Variants in TAB1 observed in about 807,000 individuals in gnomAD.
TAB1 encodes TGF-beta-activated kinase 1 and MAP3K7-binding protein 1.
Under a neutral mutation model 54.5 loss-of-function variants are expected in TAB1, and 30 were observed. The ratio of observed to expected loss-of-function variants is 0.55; its 90% CI spans 0.41 to 0.75. The LOEUF (loss-of-function observed/expected upper bound fraction) is 0.75. TAB1 is among the 30% of genes least tolerant of loss of function. The pLI is 0.00. For missense variants in TAB1, 609 were observed against 683.2 expected, an observed-to-expected ratio of 0.89 and a Z score of 1.21; for synonymous variants, 289 against 286.9, an observed-to-expected ratio of 1.01 and a Z score of -0.07.
In TAB1 at chr22:39,419,622, C is replaced by A. The variant is rs1926984607; in HGVS notation, c.768C>A (p.Asp256Glu). The A allele has an allele frequency of 6.2e-7, 1 of 1,608,104 alleles. No individual in the cohort carries two copies. Among genetic ancestry groups the A allele is most frequent in the South Asian group, 1.1e-5 (1 of 90,652 alleles). Residue 256 changes from aspartate to glutamate, a missense_variant, in exon 7 of 11, where the codon GAC becomes GAA. Physicochemically the swap from Asp to Glu is conservative, Grantham distance 45. Coordinates refer to ENST00000216160, the MANE Select transcript of TAB1 (RefSeq NM_006116.3). ...TTAAATATGGCTACACGGACATTGA[C>A]CTTCTCAGGTAGGTGCCAGCCCAGC... ...YKVKYGYTDI[D>E]LLSAAKSKPI...
chr22:39,424,095 C>T (rs1259057681), intron 8 of TAB1, among the ~76,000 whole-genome samples: 2 of 152,212 alleles, frequency 1.3e-5, no homozygotes, highest in Non-Finnish European at 1.5e-5. Context: ...CGAGTGAGAA[C>T]ATAGTTTGTG....
chr22:39,413,786 T>A (rs1455917590), intron 1 of TAB1, among the ~76,000 whole-genome samples: 1 of 152,192 alleles, frequency 6.6e-6, no homozygotes, highest in African/African-American at 2.4e-5. Flanking sequence ...CAGTTTGCTG[T>A]AGTTCTGCAT....
At chr22:39,404,611 C>T (rs948905969) in intron 1 of TAB1, among the ~76,000 whole-genome samples, 4 of 151,578 alleles carry the variant, frequency 2.6e-5, no homozygotes, top group East Asian at 3.9e-4. Flanking sequence ...TTTTAAACTT[C>T]GACATGTCCT....
At chr22:39,433,346 G>T (rs528795246), downstream of TAB1, 150 of 789,196 alleles carry the variant, frequency 1.9e-4, no homozygotes, top group South Asian at 8.1e-3. Context: ...AGCTACTCTG[G>T]AGGCTGAGGC....
At chr22:39,429,331 G>C (rs1163452465) in intron 10 of TAB1, 9 of 985,420 alleles carry the variant, frequency 9.1e-6, no homozygotes, top group Middle Eastern at 5.2e-4. Flanking sequence ...GGGTTGGGAC[G>C]GGTTTAGAGA....
At chr22:39,432,794 G>A, downstream of TAB1, 1 of 985,642 alleles carries the variant, frequency 1.0e-6, no homozygotes, top group Non-Finnish European at 1.2e-6. Flanking sequence ...CTGCACTGTT[G>A]ACTTTATGTC....
Position 39,431,528 on chromosome 22 carries a change from CT to C in TAB1, c.*1307del. 2 of 985,588 alleles carry C rather than the reference CT, an allele frequency of 2.0e-6. No homozygotes were observed. Among genetic ancestry groups the C allele is most frequent in the South Asian group, 9.4e-5 (2 of 21,288 alleles). The allele number at this position is 985,588 out of a possible 1,614,324, so 61.1% of individuals were successfully genotyped here. A position where few individuals can be genotyped will look rare whatever the true frequency, so the allele number is the denominator to read the frequency against. On this transcript the variant is annotated 3_prime_UTR_variant, in exon 11 of 11. Coordinates refer to ENST00000216160, the MANE Select transcript of TAB1 (RefSeq NM_006116.3). ...GGGACTAGCCGCTGTCGCACAGCCT[CT>C]GGGGTGCTTGGTCTCTGCGAAGTCA...
chr22:39,417,480 C>T lies in TAB1; in HGVS notation c.412-231C>T, dbSNP rs191856417. On this transcript the variant is annotated intron_variant, in intron 4 of 10. Coordinates refer to ENST00000216160, the MANE Select transcript of TAB1 (RefSeq NM_006116.3). Reference sequence around the variant, plus strand: ...CTAAAAATACAAAAAATTAGCTGGGCGTGGTGGTGGGCGCCTTGTAGTCCC... The same window carrying T: ...CTAAAAATACAAAAAATTAGCTGGGTGTGGTGGTGGGCGCCTTGTAGTCCC... 2.4e-4 allele frequency among the ~76,000 whole-genome samples: 37 copies of T among 152,134 alleles called. 1 individual carries two copies. The East Asian group carries it at 4.1e-3, about 17-fold the overall frequency.
intron 6 of TAB1, 107 bp downstream of exon 6, chr22:39,418,952 C>T (rs1044991526): frequency 1.0e-5 from 9 of 880,522 alleles, no homozygotes; most frequent in Non-Finnish European, 1.7e-5. Flanking sequence ...TGATCTTGGG[C>T]TCCCCAGCCA....
At position 39,417,840 on chromosome 22, in the gene TAB1, G is replaced by A. The variant is rs373658836; in HGVS notation, c.541G>A (p.Ala181Thr). Residue 181 changes from alanine (A) to threonine (T), a missense_variant, in exon 5 of 11, where the codon GCC becomes ACC. Transcript: ENST00000216160. ...AVLLNNKLYV[A>T]NVGTNRALLC... Reference sequence around the variant, plus strand: ...CCTTCTCAACAACAAGCTCTACGTCGCCAATGTCGGTGAGCCCCCTCCTGT... The same window carrying A: ...CCTTCTCAACAACAAGCTCTACGTCACCAATGTCGGTGAGCCCCCTCCTGT... 4.5e-5 allele frequency: 72 copies of A among 1,606,550 alleles called. No homozygotes were observed. Among genetic ancestry groups the A allele is most frequent in the Non-Finnish European group, 5.3e-5 (62 of 1,176,374 alleles).
chr22:39,416,610 C>T (rs1926843573), intron 3 of TAB1, 181 bp from the exon 4 acceptor site: 2 of 635,836 alleles, frequency 3.1e-6, no homozygotes, highest in Non-Finnish European at 5.6e-6. Flanking sequence ...CATTGATCTG[C>T]AGGAAGCAGC....
intron 1 of TAB1, among the ~76,000 whole-genome samples, chr22:39,409,494 A>G (rs1926517527): frequency 6.6e-6 from 1 of 152,250 alleles, no homozygotes; most frequent in African/African-American, 2.4e-5. Flanking sequence ...CATATTTGCA[A>G]ACACGGCATG....
intron 8 of TAB1, among the ~76,000 whole-genome samples, chr22:39,426,296 A>G (rs1398491564): frequency 6.6e-6 from 1 of 152,234 alleles, no homozygotes; most frequent in Non-Finnish European, 1.5e-5. Context: ...GTTCCTGACA[A>G]AATCCTAGCA....
At chr22:39,407,137 T>G (rs1483106661) in intron 1 of TAB1, among the ~76,000 whole-genome samples, 2 of 152,216 alleles carry the variant, frequency 1.3e-5, no homozygotes, top group Non-Finnish European at 2.9e-5. Flanking sequence ...GTAGTTTGGC[T>G]GGGGGAGACA....
chr22:39,429,346 G>A (rs1454713611), intron 10 of TAB1: 9 of 985,354 alleles, frequency 9.1e-6, no homozygotes, highest in Non-Finnish European at 1.1e-5. Flanking sequence ...TAGAGAGATG[G>A]TAATGGACAG....
intron 4 of TAB1, among the ~76,000 whole-genome samples, 161 bp downstream of exon 4, chr22:39,417,038 C>T (rs1375589402): frequency 3.3e-5 from 5 of 152,220 alleles, no homozygotes. Context: ...TGAGGGACCT[C>T]GCTGCTCTGC....
downstream of TAB1, among the ~76,000 whole-genome samples, chr22:39,435,446 G>A (rs111673529): frequency 3.3e-5 from 5 of 152,068 alleles, no homozygotes; most frequent in African/African-American, 1.2e-4. Context: ...CTTCACTCCC[G>A]CGGCCCTCAC....
chr22:39,407,089 C>T (rs1397153516), intron 1 of TAB1, among the ~76,000 whole-genome samples: 6 of 152,124 alleles, frequency 3.9e-5, no homozygotes, highest in Non-Finnish European at 7.4e-5. Flanking sequence ...AGATGTAATT[C>T]GACTGATATA....
Position 39,409,836 on chromosome 22 carries a change from T to G in TAB1, c.34-5170T>G, listed in dbSNP as rs147017948. Among the ~76,000 whole-genome samples the G allele has an allele frequency of 7.2e-5, 11 of 152,314 alleles. No homozygotes were observed. In the East Asian group the frequency reaches 2.1e-3, roughly 29 times the overall value. Reference sequence around the variant, plus strand: ...TATTGTATTGTGTGTTTGAATTCTCTCTCTCCCTAGAAGGGAGGCTTCAAA... The same window carrying G: ...TATTGTATTGTGTGTTTGAATTCTCGCTCTCCCTAGAAGGGAGGCTTCAAA... On this transcript the variant is annotated intron_variant, in intron 1 of 10. Coordinates refer to ENST00000216160, the MANE Select transcript of TAB1 (RefSeq NM_006116.3).
Sources: allele counts gnomAD v4.1 joint callset (sites outside exome capture counted in the v4.1 genomes callset), GRCh38; gene constraint gnomAD v4.1.1; transcripts MANE v1.5; gene names NCBI Gene and HGNC (gene_info 2026-07-23, HGNC 2026-07-21).